PHF21A: variants seen among roughly 807,000 people sequenced by gnomAD.
PHF21A encodes the protein BHC80a.
Under a neutral mutation model 82.5 loss-of-function variants are expected in PHF21A, and 11 were observed. That is an observed-to-expected ratio of 0.13 (90% confidence interval 0.08 to 0.22). PHF21A has a LOEUF of 0.22. Ranked by LOEUF, PHF21A falls within the 10% of genes least tolerant of loss-of-function variation. The pLI is 1.00. For missense variants in PHF21A, 579 were observed against 837.8 expected (o/e 0.69, Z 3.81); for synonymous variants, 297 against 302.8 (o/e 0.98, Z 0.20).
rs2097181794 is a variant in PHF21A, at chr11:46,108,975, C to G, written c.-237+11960G>C. Among the ~76,000 whole-genome samples, 2 of 152,192 alleles carry G rather than the reference C, an allele frequency of 1.3e-5. 1 individual carries two copies. The highest frequency in any genetic ancestry group is 4.1e-4 in the South Asian group (2 of 4,834). On this transcript the variant is annotated intron_variant, in intron 1 of 18. Transcript: ENST00000676320. ...CAAATGTCTTCATTTCCATCCCATT[C>G]CAATGTTTACTATTTTCAAACTACT...
intron 6 of PHF21A, among the ~76,000 whole-genome samples, chr11:46,008,531 C>T (rs750397205): frequency 1.3e-5 from 2 of 151,936 alleles, no homozygotes; most frequent in East Asian, 1.9e-4. Flanking sequence ...AGGTAGAAGA[C>T]GGGAAAAGAG....
intron 1 of PHF21A, among the ~76,000 whole-genome samples, chr11:46,112,914 G>A (rs1025132055): frequency 3.3e-5 from 5 of 151,856 alleles, no homozygotes; most frequent in Non-Finnish European, 5.9e-5. Context: ...ATATTATTTT[G>A]TGTGTAAACC....
chr11:45,934,487 A>AGT, intron 18 of PHF21A: 1 of 448,174 alleles, frequency 2.2e-6, no homozygotes. Context: ...AACACACAGG[A>AGT]GTACTAACGC....
chr11:46,075,073 T>C (rs1299338133), intron 6 of PHF21A, among the ~76,000 whole-genome samples: 2 of 152,214 alleles, frequency 1.3e-5, no homozygotes, highest in African/African-American at 4.8e-5. Flanking sequence ...GTTTCTGAAA[T>C]GCAAACTTAG....
At chr11:46,040,331 C>T (rs2096104363) in intron 6 of PHF21A, among the ~76,000 whole-genome samples, 1 of 152,192 alleles carries the variant, frequency 6.6e-6, no homozygotes, top group South Asian at 2.1e-4. Flanking sequence ...AGTGATGACA[C>T]TACTGGTAGT....
At chr11:46,094,863 AC>A (rs1323509989) in intron 1 of PHF21A, among the ~76,000 whole-genome samples, 3 of 152,130 alleles carry the variant, frequency 2.0e-5, no homozygotes, top group African/African-American at 7.2e-5. Context: ...TCGCGCCACT[AC>A]ACTCCAGCCT....
intron 14 of PHF21A, among the ~76,000 whole-genome samples, chr11:45,947,274 A>G (rs2091439476): frequency 6.6e-6 from 1 of 152,206 alleles, no homozygotes; most frequent in Non-Finnish European, 1.5e-5. Context: ...CATTGCTTCT[A>G]AGCTATGAGT....
chr11:46,081,834 G>A (rs939259989), intron 4 of PHF21A, among the ~76,000 whole-genome samples: 3 of 152,162 alleles, frequency 2.0e-5, no homozygotes, highest in East Asian at 1.9e-4. Context: ...TATATTGTCC[G>A]TGGCTGTTTT....
chr11:46,101,859 C>CTTT (rs749509550), intron 1 of PHF21A, among the ~76,000 whole-genome samples: 1 of 141,038 alleles, frequency 7.1e-6, no homozygotes. Context: ...TGGTCTCCCT[C>CTTT]TTTTTTTTTT....
intron 6 of PHF21A, among the ~76,000 whole-genome samples, chr11:46,058,444 G>A (rs752332956): frequency 6.6e-5 from 10 of 152,206 alleles, no homozygotes; most frequent in South Asian, 2.1e-4. Context: ...ACTTAGTCTT[G>A]TAGGACTGAT....
intron 6 of PHF21A, among the ~76,000 whole-genome samples, chr11:46,017,541 C>G (rs1002370228): frequency 4.0e-5 from 6 of 151,366 alleles, no homozygotes; most frequent in African/African-American, 1.5e-4. Flanking sequence ...AGGAAGAGCT[C>G]CATATTTATA....
At chr11:45,974,905 A>G (rs1248325125) in intron 7 of PHF21A, among the ~76,000 whole-genome samples, 1 of 152,234 alleles carries the variant, frequency 6.6e-6, no homozygotes, top group African/African-American at 2.4e-5. Context: ...GCTAGAAGTT[A>G]ATGCAGAAAT....
chr11:46,064,607 T>C (rs2096573372), intron 6 of PHF21A, among the ~76,000 whole-genome samples: 2 of 152,178 alleles, frequency 1.3e-5, no homozygotes, highest in African/African-American at 4.8e-5. Context: ...AGTAAACTTC[T>C]TTTTCCTGTC....
intron 6 of PHF21A, among the ~76,000 whole-genome samples, chr11:46,044,805 C>T (rs1313237325): frequency 6.6e-6 from 1 of 152,144 alleles, no homozygotes; most frequent in Non-Finnish European, 1.5e-5. Context: ...AATATATTGC[C>T]TTAGCAAAAC....
chr11:45,957,292 G>A (rs573839251), intron 10 of PHF21A, among the ~76,000 whole-genome samples: 71 of 152,110 alleles, frequency 4.7e-4, no homozygotes, highest in Non-Finnish European at 9.6e-4. Context: ...AGACCTGTCA[G>A]GCATAGAAAG....
chr11:45,968,759 G>A (rs960812420), intron 9 of PHF21A, among the ~76,000 whole-genome samples: 12 of 151,516 alleles, frequency 7.9e-5, no homozygotes, highest in Admixed American at 4.6e-4. Context: ...ACAAAACCCC[G>A]TCTCTACTAA....
At chr11:46,051,734 G>T (rs994701083) in intron 6 of PHF21A, among the ~76,000 whole-genome samples, 1 of 152,134 alleles carries the variant, frequency 6.6e-6, no homozygotes, top group Non-Finnish European at 1.5e-5. Flanking sequence ...CTGCTACCAC[G>T]AAGGAAGATA....
intron 3 of PHF21A, among the ~76,000 whole-genome samples, chr11:46,088,456 ACAAAC>A (rs1384676613): frequency 6.6e-6 from 1 of 152,144 alleles, no homozygotes; most frequent in Non-Finnish European, 1.5e-5. Flanking sequence ...AACCAAACAC[ACAAAC>A]CAAACACACA....
At chr11:46,023,510 T>G (rs189687053) in intron 6 of PHF21A, among the ~76,000 whole-genome samples, 67 of 152,342 alleles carry the variant, frequency 4.4e-4, no homozygotes, top group African/African-American at 1.6e-3. Context: ...ATTCCTAAAC[T>G]GTGTCATATG....
Sources: gnomAD v4.1 joint callset for allele counts (sites outside exome capture counted in the v4.1 genomes callset) on GRCh38, gnomAD v4.1.1 for gene constraint, MANE v1.5 for transcripts, NCBI Gene and HGNC (gene_info 2026-07-23, HGNC 2026-07-21) for gene names.